Variants in TFCP2 observed in about 807,000 individuals in gnomAD.
The protein encoded by TFCP2 is alpha-globin transcription factor CP2.
In TFCP2, 33 loss-of-function variants were observed where a neutral mutation model predicts 73.4. The observed-to-expected ratio is 0.45, with a 90% CI of 0.34 to 0.60. TFCP2 has a LOEUF of 0.60. Among genes scored for constraint, TFCP2 ranks in the 20% least tolerant of loss-of-function variants. The probability of loss-of-function intolerance (pLI) is 0.01; values close to 1 mark genes in which losing one functional copy is unlikely to be tolerated. For missense variants in TFCP2, 352 were observed against 604.0 expected, an observed-to-expected ratio of 0.58 and a Z score of 4.37; for synonymous variants, 193 against 211.6, an observed-to-expected ratio of 0.91 and a Z score of 0.76.
intron 1 of TFCP2, among the ~76,000 whole-genome samples, chr12:51,123,083 G>A (rs1268877168): frequency 2.6e-5 from 4 of 152,124 alleles, no homozygotes; most frequent in Non-Finnish European, 5.9e-5. Flanking sequence ...ACCATTCCTA[G>A]TCTTCTCAGG....
chr12:51,153,477 G>A (rs896194836), intron 1 of TFCP2, among the ~76,000 whole-genome samples: 1 of 151,870 alleles, frequency 6.6e-6, no homozygotes, highest in Non-Finnish European at 1.5e-5. Flanking sequence ...ATACACGTCA[G>A]TGCTATTAAG....
At chr12:51,156,101 T>C (rs1294018541) in intron 1 of TFCP2, among the ~76,000 whole-genome samples, 1 of 151,822 alleles carries the variant, frequency 6.6e-6, no homozygotes, top group Non-Finnish European at 1.5e-5. Flanking sequence ...AGATTTCTTA[T>C]AGCATCTTTG....
At chr12:51,098,391 C>T (rs989502693) in intron 13 of TFCP2, among the ~76,000 whole-genome samples, 1 of 151,718 alleles carries the variant, frequency 6.6e-6, no homozygotes, top group African/African-American at 2.4e-5. Flanking sequence ...TTTGGGAGGC[C>T]GAGGCGGGTG....
intron 1 of TFCP2, among the ~76,000 whole-genome samples, chr12:51,137,179 T>C (rs17125418): frequency 0.084 from 12,720 of 152,208 alleles, 558 homozygotes; most frequent in Middle Eastern, 0.13. Context: ...ATACCAGATG[T>C]ACATTTCATT....
chr12:51,138,429 T>C (rs1256252400), intron 1 of TFCP2, among the ~76,000 whole-genome samples: 1 of 152,120 alleles, frequency 6.6e-6, no homozygotes, highest in Non-Finnish European at 1.5e-5. Flanking sequence ...ATTGTTGGGA[T>C]TACAGGTGTG....
intron 4 of TFCP2, among the ~76,000 whole-genome samples, chr12:51,113,170 T>C (rs1270584847): frequency 4.6e-5 from 7 of 152,160 alleles, no homozygotes; most frequent in Non-Finnish European, 7.4e-5. Context: ...ACAATATTAG[T>C]TGTGTTAGAT....
intron 1 of TFCP2, among the ~76,000 whole-genome samples, chr12:51,122,253 C>CT (rs11347975): frequency 0.026 from 1,875 of 73,082 alleles, 40 homozygotes; most frequent in South Asian, 0.042. Context: ...TTTTTCTTTT[C>CT]TTTTTTTTTT....
intron 1 of TFCP2, among the ~76,000 whole-genome samples, chr12:51,158,931 A>G (rs1333513670): frequency 1.4e-5 from 2 of 147,676 alleles, no homozygotes; most frequent in Non-Finnish European, 3.0e-5. Flanking sequence ...TGGGAGGCCG[A>G]GGCGGGAGAA....
At chr12:51,140,289 GCATGGTGGCTCC>G (rs1273335551) in intron 1 of TFCP2, among the ~76,000 whole-genome samples, 2 of 151,962 alleles carry the variant, frequency 1.3e-5, no homozygotes, top group African/African-American at 2.4e-5. Context: ...CAAAGGCCAG[GCATGGTGGCTCC>G]CATTTATAAT....
At chr12:51,118,423 C>T (rs543128649) in intron 2 of TFCP2, among the ~76,000 whole-genome samples, 198 bp downstream of exon 2, 3 of 152,102 alleles carry the variant, frequency 2.0e-5, no homozygotes, top group South Asian at 2.1e-4. Context: ...GGTGTGGTGG[C>T]GGGTGCCTGT....
chr12:51,093,990 C>CACTT lies in TFCP2; in HGVS notation c.*1250_*1251insAAGT, dbSNP rs1315114581. 1.6e-5 allele frequency: 2 copies of CACTT among 122,644 alleles called. No homozygotes were observed. Among genetic ancestry groups the CACTT allele is most frequent in the African/African-American group, 7.3e-5 (2 of 27,248 alleles). 7.6% of individuals were successfully genotyped at this position (122,644 alleles called of 1,614,324 possible). On this transcript the variant is annotated 3_prime_UTR_variant, in exon 15 of 15. Coordinates refer to ENST00000257915, the MANE Select transcript of TFCP2 (RefSeq NM_005653.5). ...ATGATGTTACACTTACACACTTACA[C>CACTT]ACACACACACACACACACACAATCA...
At chr12:51,111,784 G>A (rs1341049383) in intron 4 of TFCP2, among the ~76,000 whole-genome samples, 1 of 152,032 alleles carries the variant, frequency 6.6e-6, no homozygotes, top group East Asian at 1.9e-4. Context: ...AACCTGGGAG[G>A]TGGAGGTTGC....
intron 6 of TFCP2, among the ~76,000 whole-genome samples, chr12:51,107,972 T>C (rs182921951): frequency 2.6e-5 from 4 of 151,418 alleles, no homozygotes; most frequent in African/African-American, 9.7e-5. Context: ...TATGTATGTG[T>C]GTGTATAAAA....
Position 51,173,019 on chromosome 12 carries a change from CAT to C in TFCP2, c.-599_-598del, listed in dbSNP as rs1318065357. ...TCTGTAGCCCCCCACGGCCTGGAAA[CAT>C]GGAAGGAGAAAGTCCAGCACAGGCG... On this transcript the variant is annotated 5_prime_UTR_variant, in exon 1 of 15. It removes an upstream start codon present in the reference 5' UTR. Transcript: ENST00000257915. The C allele has an allele frequency of 6.5e-6, 1 of 153,960 alleles. No individual in the cohort carries two copies. Among genetic ancestry groups the C allele is most frequent in the East Asian group, 1.9e-4 (1 of 5,210 alleles). The allele number at this position is 153,960 out of a possible 1,614,324, so 9.5% of individuals were successfully genotyped here.
At chr12:51,131,439 T>A (rs1940943457) in intron 1 of TFCP2, among the ~76,000 whole-genome samples, 1 of 151,902 alleles carries the variant, frequency 6.6e-6, no homozygotes, top group Non-Finnish European at 1.5e-5. Context: ...AACAGGCCCA[T>A]CGGTATAGTT....
chr12:51,124,100 T>TC (rs1940744639), intron 1 of TFCP2, among the ~76,000 whole-genome samples: 1 of 151,044 alleles, frequency 6.6e-6, no homozygotes, highest in African/African-American at 2.4e-5. Flanking sequence ...CTACTTTTCT[T>TC]TTTTTTTTCT....
chr12:51,136,302 T>TAAAAA (rs11312082), intron 1 of TFCP2, among the ~76,000 whole-genome samples: 17 of 136,680 alleles, frequency 1.2e-4, no homozygotes, highest in Non-Finnish European at 1.6e-4. Context: ...AGACTCTAAA[T>TAAAAA]AAAAAAAAAA....
intron 1 of TFCP2, among the ~76,000 whole-genome samples, chr12:51,123,727 A>C (rs1412676370): frequency 1.3e-5 from 2 of 152,346 alleles, no homozygotes; most frequent in Admixed American, 6.5e-5. Flanking sequence ...TGCCTAGATT[A>C]ATTCATTCCA....
rs1941882764 is a variant in TFCP2 at position 51,172,486 on chromosome 12, C to T, written c.-64G>A. The T allele has an allele frequency of 1.2e-6, 2 of 1,603,928 alleles. No individual in the cohort carries two copies. The highest frequency in any genetic ancestry group is 1.7e-6 in the Non-Finnish European group (2 of 1,176,250). ...TACAAAGGCGCGGAGGGTAATTCTA[C>T]CCAACAGGAGTAACGCAAACCAAGA... On this transcript the variant is annotated 5_prime_UTR_variant, in exon 1 of 15. Coordinates refer to ENST00000257915, the MANE Select transcript of TFCP2 (RefSeq NM_005653.5).
Sources: gnomAD v4.1 joint callset for allele counts (sites outside exome capture counted in the v4.1 genomes callset) on GRCh38, gnomAD v4.1.1 for gene constraint, MANE v1.5 for transcripts, NCBI Gene and HGNC (gene_info 2026-07-23, HGNC 2026-07-21) for gene names.